Variants in HORMAD2 observed in about 807,000 individuals in gnomAD.
The protein encoded by HORMAD2 is HORMA domain-containing protein 2.
HORMAD2 carries 45 observed loss-of-function variants against 38.8 expected under a neutral mutation model. The ratio of observed to expected loss-of-function variants is 1.16; its 90% CI spans 0.91 to 1.49. The LOEUF (loss-of-function observed/expected upper bound fraction) is 1.49. Among genes scored for constraint, HORMAD2 ranks in the 40% most tolerant of loss-of-function variants. HORMAD2 has a pLI of 0.00. For missense variants in HORMAD2, 338 were observed against 367.0 expected (o/e 0.92, Z 0.65); for synonymous variants, 126 against 122.8 (o/e 1.03, Z -0.17).
intron 10 of HORMAD2, among the ~76,000 whole-genome samples, chr22:30,122,985 A>G (rs1055221483): frequency 5.9e-5 from 9 of 152,166 alleles, no homozygotes; most frequent in African/African-American, 2.2e-4. Flanking sequence ...TTAAGATTAG[A>G]ATGATAACTT....
At chr22:30,153,654 C>T (rs1266811222) in intron 10 of HORMAD2, among the ~76,000 whole-genome samples, 4 of 152,178 alleles carry the variant, frequency 2.6e-5, no homozygotes, top group Non-Finnish European at 5.9e-5. Flanking sequence ...TTCTCTTTAA[C>T]CCACTTTAAT....
the HORMAD2 span, among the ~76,000 whole-genome samples, chr22:30,201,943 C>A: frequency 6.6e-6 from 1 of 152,156 alleles, no homozygotes; most frequent in East Asian, 1.9e-4. Context: ...TGGATCCAGG[C>A]TTTTGGAAGA....
intron 10 of HORMAD2, among the ~76,000 whole-genome samples, chr22:30,164,371 C>G (rs758708527): frequency 6.6e-6 from 1 of 152,096 alleles, no homozygotes; most frequent in Non-Finnish European, 1.5e-5. Context: ...TGAAGAACTG[C>G]CCTACTATTT....
intron 10 of HORMAD2, among the ~76,000 whole-genome samples, chr22:30,132,748 T>A (rs1244083366): frequency 6.6e-6 from 1 of 152,198 alleles, no homozygotes; most frequent in African/African-American, 2.4e-5. Context: ...CCATCAGTCT[T>A]ATAAGTCATT....
At chr22:30,143,266 T>C (rs140029628) in intron 10 of HORMAD2, among the ~76,000 whole-genome samples, 6 of 152,338 alleles carry the variant, frequency 3.9e-5, no homozygotes, top group Non-Finnish European at 7.3e-5. Flanking sequence ...TCTTTACTGA[T>C]GCTCTTTGTT....
At chr22:30,085,995 C>T (rs990043862) in intron 1 of HORMAD2, among the ~76,000 whole-genome samples, 2 of 152,194 alleles carry the variant, frequency 1.3e-5, no homozygotes, top group African/African-American at 2.4e-5. Context: ...TTTATGTCTC[C>T]ACCCAAATCT....
chr22:30,188,038 T>C, the HORMAD2 span, among the ~76,000 whole-genome samples: 4 of 151,986 alleles, frequency 2.6e-5, no homozygotes, highest in African/African-American at 9.7e-5. Flanking sequence ...TGATAGGTGT[T>C]GCAAAAATAT....
At chr22:30,198,998 G>A in the HORMAD2 span, among the ~76,000 whole-genome samples, 1 of 152,112 alleles carries the variant, frequency 6.6e-6, no homozygotes, top group South Asian at 2.1e-4. Context: ...ACTGTGTATT[G>A]GGAACCCTCA....
chr22:30,078,607 CAAAAAAAAAAAAAA>C (rs55966787), upstream of HORMAD2, among the ~76,000 whole-genome samples: 20 of 28,106 alleles, frequency 7.1e-4, no homozygotes, highest in East Asian at 5.1e-3. Context: ...CTCTGTCTCA[CAAAAAAAAAAAAAA>C]AAAAAAAAAA....
the HORMAD2 span, among the ~76,000 whole-genome samples, chr22:30,187,659 T>G: frequency 6.6e-6 from 1 of 152,178 alleles, no homozygotes; most frequent in African/African-American, 2.4e-5. Context: ...CAGCTAAGTT[T>G]GGAAGCACTT....
chr22:30,180,334 G>A (rs186896709), downstream of HORMAD2, among the ~76,000 whole-genome samples: 3 of 152,288 alleles, frequency 2.0e-5, no homozygotes, highest in East Asian at 5.8e-4. Flanking sequence ...TGGGGTCTCA[G>A]ACACTTAGAA....
At chr22:30,165,026 G>A (rs1354989814) in intron 10 of HORMAD2, among the ~76,000 whole-genome samples, 1 of 152,078 alleles carries the variant, frequency 6.6e-6, no homozygotes, top group Non-Finnish European at 1.5e-5. Flanking sequence ...TAATTCCAAT[G>A]TTATGATGAT....
chr22:30,173,456 G>A (rs1926243936), intron 10 of HORMAD2, among the ~76,000 whole-genome samples: 1 of 152,224 alleles, frequency 6.6e-6, no homozygotes, highest in African/African-American at 2.4e-5. Flanking sequence ...AAAGGAATTA[G>A]TGATTAATTA....
intron 10 of HORMAD2, among the ~76,000 whole-genome samples, chr22:30,123,207 A>G (rs748848494): frequency 5.3e-5 from 8 of 152,232 alleles, no homozygotes; most frequent in Non-Finnish European, 1.0e-4. Flanking sequence ...GATGTTAGAC[A>G]TAAAAATGAC....
chr22:30,195,248 T>C, the HORMAD2 span, among the ~76,000 whole-genome samples: 1 of 150,672 alleles, frequency 6.6e-6, no homozygotes, highest in Non-Finnish European at 1.5e-5. Context: ...TTTCTTTACT[T>C]TATTTTTGAG....
At chr22:30,130,586 C>CTTT (rs66636269) in intron 10 of HORMAD2, among the ~76,000 whole-genome samples, 117 of 87,864 alleles carry the variant, frequency 1.3e-3, no homozygotes, top group Non-Finnish European at 1.9e-3. Flanking sequence ...CTTTTCTTTT[C>CTTT]TTTTTTTTTT....
chr22:30,131,959 G>A (rs1235192124), intron 10 of HORMAD2, among the ~76,000 whole-genome samples: 1 of 152,148 alleles, frequency 6.6e-6, no homozygotes, highest in Non-Finnish European at 1.5e-5. Flanking sequence ...AAAGTACATT[G>A]TTTCCACGGT....
chr22:30,201,575 G>A, the HORMAD2 span, among the ~76,000 whole-genome samples: 2 of 151,858 alleles, frequency 1.3e-5, no homozygotes, highest in African/African-American at 2.4e-5. Context: ...CCACCCCCTC[G>A]CCCGGCTAAT....
chr22:30,172,523 G>T (rs1926172080), intron 10 of HORMAD2, among the ~76,000 whole-genome samples: 1 of 152,160 alleles, frequency 6.6e-6, no homozygotes, highest in Non-Finnish European at 1.5e-5. Flanking sequence ...AGTTTCATTT[G>T]TGTGTTCATT....
Sources: allele counts gnomAD v4.1 joint callset (sites outside exome capture counted in the v4.1 genomes callset), GRCh38; gene constraint gnomAD v4.1.1; transcripts MANE v1.5; gene names NCBI Gene and HGNC (gene_info 2026-07-23, HGNC 2026-07-21).